Variants in UBE2D2 observed in about 807,000 individuals in gnomAD.
The protein encoded by UBE2D2 is ubiquitin-conjugating enzyme E2 D2.
UBE2D2 carries 2 observed loss-of-function variants against 24.2 expected under a neutral mutation model. The ratio of observed to expected loss-of-function variants is 0.08; its 90% CI spans 0.03 to 0.26. The LOEUF is 0.26. UBE2D2 is among the 10% of genes least tolerant of loss of function. The pLI is 1.00. For missense variants in UBE2D2, 44 were observed against 177.6 expected, an observed-to-expected ratio of 0.25 and a Z score of 4.28; for synonymous variants, 58 against 56.5, an observed-to-expected ratio of 1.03 and a Z score of -0.12.
chr5:139,604,399 A>G (rs1320943359), intron 2 of UBE2D2, among the ~76,000 whole-genome samples: 1 of 151,994 alleles, frequency 6.6e-6, no homozygotes, highest in Non-Finnish European at 1.5e-5. Flanking sequence ...CTACCTCCCA[A>G]AGCGCTGGAA....
intron 1 of UBE2D2, among the ~76,000 whole-genome samples, chr5:139,576,235 A>T (rs1415474385): frequency 6.6e-6 from 1 of 152,144 alleles, no homozygotes; most frequent in African/African-American, 2.4e-5. Flanking sequence ...ATATTCTCTC[A>T]CAGTTCTGGA....
At chr5:139,599,770 T>C (rs1336777484) in intron 1 of UBE2D2, among the ~76,000 whole-genome samples, 3 of 151,422 alleles carry the variant, frequency 2.0e-5, no homozygotes, top group Non-Finnish European at 4.4e-5. Context: ...AAAAAAACAG[T>C]ATTTTTGGCT....
chr5:139,563,517 G>C (rs1753154160), intron 1 of UBE2D2, among the ~76,000 whole-genome samples: 1 of 152,160 alleles, frequency 6.6e-6, no homozygotes, highest in South Asian at 2.1e-4. Flanking sequence ...AGGCTTTTAG[G>C]AATTGCTAGG....
chr5:139,589,922 C>G (rs406234), intron 1 of UBE2D2, among the ~76,000 whole-genome samples: 1 of 151,980 alleles, frequency 6.6e-6, no homozygotes, highest in African/African-American at 2.4e-5. Flanking sequence ...GTAGCTGGGA[C>G]TACAGGTGCC....
At chr5:139,526,450 G>C (rs1049602805) in exon 1 of UBE2D2, 1 of 152,386 alleles carries the variant, frequency 6.6e-6, no homozygotes, top group Non-Finnish European at 1.5e-5. Flanking sequence ...GGGGGACTCC[G>C]GCCAGCCTGA....
intron 2 of UBE2D2, among the ~76,000 whole-genome samples, chr5:139,609,722 C>CTTTCTTTT (rs1354904195): frequency 1.6e-4 from 24 of 147,348 alleles, no homozygotes; most frequent in African/African-American, 5.8e-4. Flanking sequence ...TAAGTGCTTT[C>CTTTCTTTT]TTTCTTTTTT....
intron 1 of UBE2D2, among the ~76,000 whole-genome samples, chr5:139,582,977 CTTTTTTTTTTT>C (rs568361893): frequency 7.7e-6 from 1 of 130,052 alleles, no homozygotes; most frequent in Non-Finnish European, 1.7e-5. Flanking sequence ...GCTTTTTTTT[CTTTTTTTTTTT>C]TTTGAAGACG....
At chr5:139,613,919 A>G (rs1404923457) in intron 2 of UBE2D2, among the ~76,000 whole-genome samples, 1 of 152,146 alleles carries the variant, frequency 6.6e-6, no homozygotes, top group Non-Finnish European at 1.5e-5. Flanking sequence ...AAAATTAGCC[A>G]GGTGTGGTGG....
intron 1 of UBE2D2, among the ~76,000 whole-genome samples, chr5:139,583,044 G>A (rs975787342): frequency 2.7e-5 from 4 of 149,924 alleles, no homozygotes; most frequent in Non-Finnish European, 3.0e-5. Flanking sequence ...GCACGATCTT[G>A]GCTCACTCCA....
chr5:139,578,205 C>G (rs757202326), intron 1 of UBE2D2, among the ~76,000 whole-genome samples: 1 of 152,126 alleles, frequency 6.6e-6, no homozygotes, highest in African/African-American at 2.4e-5. Context: ...TCTGTGGAGT[C>G]GCTACCACTG....
chr5:139,533,045 T>C (rs1752617134), intron 1 of UBE2D2, among the ~76,000 whole-genome samples: 1 of 144,606 alleles, frequency 6.9e-6, no homozygotes, highest in African/African-American at 2.6e-5. Context: ...GAGGCGGAGG[T>C]TGCAGTAAGC....
chr5:139,553,702 T>G (rs1400612837), intron 1 of UBE2D2, among the ~76,000 whole-genome samples: 4 of 152,162 alleles, frequency 2.6e-5, no homozygotes, highest in Admixed American at 2.6e-4. Context: ...CCTTTAAAAA[T>G]TTATAATATT....
chr5:139,581,579 G>A (rs183248032), intron 1 of UBE2D2, among the ~76,000 whole-genome samples: 1 of 151,812 alleles, frequency 6.6e-6, no homozygotes, highest in Non-Finnish European at 1.5e-5. Context: ...TTGGGGATGG[G>A]ACCCAAGTCT....
intron 1 of UBE2D2, among the ~76,000 whole-genome samples, chr5:139,550,810 C>T (rs1317647801): frequency 6.6e-6 from 1 of 151,966 alleles, no homozygotes; most frequent in Non-Finnish European, 1.5e-5. Context: ...CACAAATCCA[C>T]CAGAAGGAAG....
intron 1 of UBE2D2, among the ~76,000 whole-genome samples, chr5:139,574,352 T>C (rs1219089565): frequency 6.6e-6 from 1 of 151,876 alleles, no homozygotes; most frequent in African/African-American, 2.4e-5. Context: ...ATATTAGTAA[T>C]TAGTATCTCC....
In UBE2D2 at chr5:139,598,084, G is replaced by A. The variant is rs1490376170; in HGVS notation, c.25-2288G>A. Among the ~76,000 whole-genome samples the A allele has an allele frequency of 2.6e-5, 4 of 152,060 alleles. No homozygotes were observed. In the East Asian group the frequency reaches 7.7e-4, roughly 29 times the overall value. On this transcript the variant is annotated intron_variant, in intron 1 of 6. Coordinates refer to ENST00000398733, the MANE Select transcript of UBE2D2 (RefSeq NM_003339.3). ...GCCTGGCTAATTTTTTATATTTTTA[G>A]TAGAGATGGGGTTTCACCATGTTAG... is the stretch of plus-strand genomic sequence containing the variant.
intron 1 of UBE2D2, chr5:139,562,230 C>CACA (rs1561503114): frequency 7.3e-7 from 1 of 1,370,420 alleles, no homozygotes; most frequent in African/African-American, 1.5e-5. Flanking sequence ...TCCCTCCTCC[C>CACA]ACACCTGCCC....
chr5:139,602,918 CTA>C (rs1241412010), intron 2 of UBE2D2, among the ~76,000 whole-genome samples: 2 of 152,302 alleles, frequency 1.3e-5, no homozygotes, highest in East Asian at 3.9e-4. Flanking sequence ...AGTACTTAAA[CTA>C]TACAAAATAA....
intron 1 of UBE2D2, among the ~76,000 whole-genome samples, chr5:139,531,298 A>C (rs10056360): frequency 0.083 from 12,686 of 152,280 alleles, 1,736 homozygotes; most frequent in African/African-American, 0.28. Flanking sequence ...GCCATTGTAT[A>C]GAAGAACATT....
Sources: gnomAD v4.1 joint callset for allele counts (sites outside exome capture counted in the v4.1 genomes callset) on GRCh38, gnomAD v4.1.1 for gene constraint, MANE v1.5 for transcripts, NCBI Gene and HGNC (gene_info 2026-07-23, HGNC 2026-07-21) for gene names.